Variants in BAG1 observed in about 807,000 individuals in gnomAD.
The protein encoded by BAG1 is BAG cochaperone 1.
Under a neutral mutation model 35.5 loss-of-function variants are expected in BAG1, and 35 were observed. The observed-to-expected ratio is 0.99, with a 90% CI of 0.75 to 1.31. The LOEUF (loss-of-function observed/expected upper bound fraction) is 1.31, where lower values mean the gene tolerates loss of function less well. BAG1 is among the 50% of genes most tolerant of loss of function. BAG1 has a pLI of 0.00. For synonymous variants in BAG1, 191 were observed against 178.9 expected (o/e 1.07, Z -0.54); for missense variants, 464 against 453.6 (o/e 1.02, Z -0.21).
rs1319412214 is a variant in BAG1 at position 33,252,677 on chromosome 9, T to G, written c.*2542A>C. On this transcript the variant is annotated 3_prime_UTR_variant, in exon 7 of 7. Transcript: ENST00000634734. ...GAACCCTGGTGTTAAAGGCAAAGAT[T>G]AACCAAATAATCCCACAAGTAAACT... is the stretch of plus-strand genomic sequence containing the variant. The G allele has an allele frequency of 6.6e-6, 1 of 151,976 alleles. No individual in the cohort carries two copies. The highest frequency in any genetic ancestry group is 6.6e-5 in the Admixed American group (1 of 15,242). 9.4% of individuals were successfully genotyped at this position (151,976 alleles called of 1,614,324 possible). A position where few individuals can be genotyped will look rare whatever the true frequency, so the allele number is the denominator to read the frequency against.
intron 2 of BAG1, chr9:33,262,306 G>GAA: frequency 8.0e-7 from 1 of 1,246,468 alleles, no homozygotes; most frequent in Non-Finnish European, 1.0e-6. Flanking sequence ...TGACTATTAG[G>GAA]AAAAGTTCAG....
At chr9:33,263,042 T>C (rs1267905657) in intron 1 of BAG1, among the ~76,000 whole-genome samples, 1 of 152,238 alleles carries the variant, frequency 6.6e-6, no homozygotes, top group Non-Finnish European at 1.5e-5. Context: ...ATATGAATGA[T>C]ATCTGCTAAC....
intron 6 of BAG1, 41 bp from the exon 7 acceptor site, chr9:33,255,349 T>C: frequency 1.2e-6 from 2 of 1,613,306 alleles, no homozygotes; most frequent in Non-Finnish European, 1.7e-6. Context: ...CATCCAGGGG[T>C]AGCCGACCAC....
chr9:33,261,382 C>T (rs1820567526), intron 2 of BAG1, among the ~76,000 whole-genome samples: 1 of 152,160 alleles, frequency 6.6e-6, no homozygotes, highest in African/African-American at 2.4e-5. Flanking sequence ...CGATAATATT[C>T]AGTGCAACCT....
At chr9:33,258,850 C>T in intron 4 of BAG1, 70 bp downstream of exon 4, 5 of 1,315,568 alleles carry the variant, frequency 3.8e-6, no homozygotes, top group Non-Finnish European at 5.5e-6. Context: ...GAACATGTCC[C>T]CATAACCACA....
chr9:33,255,188 T>G lies in BAG1; in HGVS notation c.*31A>C. 1 of 1,614,212 alleles carries G rather than the reference T, an allele frequency of 6.2e-7. No individual in the cohort carries two copies. The highest frequency in any genetic ancestry group is 2.2e-5 in the East Asian group (1 of 44,886). On this transcript the variant is annotated 3_prime_UTR_variant, in exon 7 of 7. Transcript: ENST00000634734. ...ACGGCAGAGCTGGTGGCGCCATTCT[T>G]CAGGGCAGCACAGCCTTTTTCTGCT...
At chr9:33,263,210 T>C (rs3758271) in intron 1 of BAG1, among the ~76,000 whole-genome samples, 20,404 of 152,232 alleles carry the variant, frequency 0.13, 1,509 homozygotes, top group South Asian at 0.17. Flanking sequence ...GAAGTTGATA[T>C]CAGATCTAGC....
chr9:33,256,707 G>T, intron 5 of BAG1, 94 bp downstream of exon 5: 2 of 1,028,366 alleles, frequency 1.9e-6, no homozygotes, highest in Non-Finnish European at 1.5e-6. Context: ...TGATGGGTTT[G>T]CTCAGGCAAT....
At chr9:33,255,724 T>C in intron 6 of BAG1, 141 bp downstream of exon 6, 2 of 863,238 alleles carry the variant, frequency 2.3e-6, no homozygotes, top group Non-Finnish European at 3.7e-6. Flanking sequence ...TCTCTGACGT[T>C]TGGGGTTCCT....
chr9:33,264,240 G>C lies in BAG1; in HGVS notation c.435C>G (p.Thr145=). 1.2e-6 allele frequency: 2 copies of C among 1,609,154 alleles called. No homozygotes were observed. Among genetic ancestry groups the C allele is most frequent in the Non-Finnish European group, 1.7e-6 (2 of 1,178,368 alleles). Residue 145 remains threonine, a synonymous_variant, in exon 1 of 7, where the codon ACC becomes ACG. Coordinates refer to ENST00000634734, the MANE Select transcript of BAG1 (RefSeq NM_004323.6). ...GACACTCACTGTGGGTGACAGTCAC[G>C]GTGAGCCCAGCTGCCGCCATTTCCT...
chr9:33,262,327 A>G (rs1459500046), intron 2 of BAG1: 1 of 1,223,598 alleles, frequency 8.2e-7, no homozygotes, highest in Non-Finnish European at 1.0e-6. Context: ...CAGTTTTAAA[A>G]CTGTCCTTTG....
chr9:33,256,004 G>T, intron 5 of BAG1, 77 bp from the exon 6 acceptor site: 1 of 1,378,962 alleles, frequency 7.3e-7, no homozygotes, highest in South Asian at 1.2e-5. Flanking sequence ...AAAATGACAT[G>T]AGAGCACATA....
rs918559770 is a variant in BAG1, at chr9:33,254,870, G to A, written c.*349C>T. On this transcript the variant is annotated 3_prime_UTR_variant, in exon 7 of 7. Coordinates refer to ENST00000634734, the MANE Select transcript of BAG1 (RefSeq NM_004323.6). ...AGCCCTCATGTATCTGAAGACTGAG[G>A]GGGCCTATAAACCTGAAACTGGCCC... 4.2e-6 allele frequency: 2 copies of A among 478,778 alleles called. No individual in the cohort carries two copies. Among genetic ancestry groups the A allele is most frequent in the Non-Finnish European group, 7.1e-6 (2 of 280,620 alleles). 29.7% of individuals were successfully genotyped at this position (478,778 alleles called of 1,614,324 possible).
rs769127390 is a variant in BAG1, at chr9:33,253,487, C to G, written c.*1732G>C. 1 of 152,226 alleles carries G rather than the reference C, an allele frequency of 6.6e-6. No individual in the cohort carries two copies. Among genetic ancestry groups the G allele is most frequent in the Non-Finnish European group, 1.5e-5 (1 of 68,056 alleles). 9.4% of individuals were successfully genotyped at this position (152,226 alleles called of 1,614,324 possible). On this transcript the variant is annotated 3_prime_UTR_variant, in exon 7 of 7. Transcript: ENST00000634734. ...ACTTCTCATTAAATGTTGTGGCCCA[C>G]GCCACACAGCTATCACACAAAAATA...
At chr9:33,263,256 C>T (rs922538874) in intron 1 of BAG1, among the ~76,000 whole-genome samples, 1 of 152,220 alleles carries the variant, frequency 6.6e-6, no homozygotes. Context: ...CACAAGCCAT[C>T]TGCTTCCTGT....
Position 33,254,030 on chromosome 9 carries a change from T to C in BAG1, c.*1189A>G, listed in dbSNP as rs1029462502. 1 of 151,356 alleles carries C rather than the reference T, an allele frequency of 6.6e-6. No individual in the cohort carries two copies. The highest frequency in any genetic ancestry group is 2.4e-5 in the African/African-American group (1 of 41,074). The allele number at this position is 151,356 out of a possible 1,614,324, so 9.4% of individuals were successfully genotyped here. ...TCTCACTCTGTGACCCAGGCTGGAGTGCAGGGGCGTAATCTCGGCTCACAG... is the reference window on the plus strand; with the variant it reads ...TCTCACTCTGTGACCCAGGCTGGAGCGCAGGGGCGTAATCTCGGCTCACAG... On this transcript the variant is annotated 3_prime_UTR_variant, in exon 7 of 7. Coordinates refer to ENST00000634734, the MANE Select transcript of BAG1 (RefSeq NM_004323.6).
chr9:33,262,003 G>A (rs1820581402), intron 2 of BAG1: 5 of 1,191,568 alleles, frequency 4.2e-6, no homozygotes, highest in Non-Finnish European at 4.3e-6. Flanking sequence ...GAAATCAGAT[G>A]TTAAGCAACT....
intron 5 of BAG1, 136 bp downstream of exon 5, chr9:33,256,665 G>C (rs1482654024): frequency 1.4e-6 from 1 of 698,010 alleles, no homozygotes; most frequent in African/African-American, 1.8e-5. Flanking sequence ...AACATGACTG[G>C]CACACAATAG....
intron 3 of BAG1, chr9:33,259,540 A>T (rs1820526117): frequency 6.5e-6 from 1 of 154,016 alleles, no homozygotes; most frequent in African/African-American, 2.4e-5. Context: ...AAGACTCCAG[A>T]CTAGAGAGAA....
Sources: allele counts gnomAD v4.1 joint callset (sites outside exome capture counted in the v4.1 genomes callset), GRCh38; gene constraint gnomAD v4.1.1; transcripts MANE v1.5; gene names NCBI Gene and HGNC (gene_info 2026-07-23, HGNC 2026-07-21).